Variants in IQCM observed in about 807,000 individuals in gnomAD.
The protein encoded by IQCM is IQ motif containing M.
In IQCM, 45 loss-of-function variants were observed where a neutral mutation model predicts 57.6. The ratio of observed to expected loss-of-function variants is 0.78; its 90% CI spans 0.62 to 1.00. The LOEUF is 1.00. Among genes scored for constraint, IQCM ranks in the 50% least tolerant of loss-of-function variants. IQCM has a pLI of 0.00. For synonymous variants in IQCM, 148 were observed against 158.9 expected (o/e 0.93, Z 0.51); for missense variants, 468 against 511.6 (o/e 0.91, Z 0.82).
chr4:149,502,955 G>A (rs375160339), intron 12 of IQCM, among the ~76,000 whole-genome samples: 7 of 151,942 alleles, frequency 4.6e-5, no homozygotes, highest in African/African-American at 1.7e-4. Context: ...GGCCGGGCAC[G>A]GTGGCTCATG....
intron 3 of IQCM, among the ~76,000 whole-genome samples, chr4:149,739,832 T>TA (rs879479052): frequency 1.5e-4 from 23 of 151,604 alleles, no homozygotes; most frequent in East Asian, 7.7e-4. Context: ...ATTTATCTTT[T>TA]AAAAAAAAAC....
In IQCM at chr4:149,744,200, A is replaced by T. The variant is rs190302145; in HGVS notation, c.-48-1461T>A. Reference sequence around the variant, plus strand: ...AGCAAATCTGGAACATCCAAAAATGATTAATTCTCAAATTGTCAGCATCAT... The same window carrying T: ...AGCAAATCTGGAACATCCAAAAATGTTTAATTCTCAAATTGTCAGCATCAT... On this transcript the variant is annotated intron_variant, in intron 2 of 13. Coordinates refer to ENST00000636793, the MANE Select transcript of IQCM (RefSeq NM_001363507.2). Among the ~76,000 whole-genome samples, 154 of 152,282 alleles carry T rather than the reference A, an allele frequency of 1.0e-3. 4 individuals carry two copies. The East Asian group carries it at 0.024, about 23-fold the overall frequency.
chr4:149,456,889 G>A (rs1052203205), intron 12 of IQCM, among the ~76,000 whole-genome samples: 1 of 152,058 alleles, frequency 6.6e-6, no homozygotes. Context: ...GTAAAGAGGT[G>A]AGTTAACATT....
chr4:149,500,093 T>G (rs1413752103), intron 12 of IQCM, among the ~76,000 whole-genome samples: 2 of 152,212 alleles, frequency 1.3e-5, no homozygotes, highest in Admixed American at 6.5e-5. Flanking sequence ...AGCTTCTAAT[T>G]TGTCCAAATA....
intron 12 of IQCM, among the ~76,000 whole-genome samples, chr4:149,507,320 C>A (rs1456959247): frequency 6.6e-6 from 1 of 152,132 alleles, no homozygotes; most frequent in East Asian, 1.9e-4. Flanking sequence ...GGGTAACAGG[C>A]AGAGGTTGAA....
intron 12 of IQCM, among the ~76,000 whole-genome samples, chr4:149,540,937 CAT>C (rs2149876361): frequency 6.6e-6 from 1 of 152,272 alleles, no homozygotes; most frequent in East Asian, 1.9e-4. Context: ...GCTACTCTAA[CAT>C]GTTACCTCTG....
intron 12 of IQCM, among the ~76,000 whole-genome samples, chr4:149,445,873 C>A (rs928000679): frequency 6.6e-6 from 1 of 151,724 alleles, no homozygotes; most frequent in Non-Finnish European, 1.5e-5. Context: ...GCTGCCCATT[C>A]ACTTATTTTG....
At chr4:149,602,750 C>A (rs1351923202) in intron 8 of IQCM, among the ~76,000 whole-genome samples, 2 of 151,944 alleles carry the variant, frequency 1.3e-5, no homozygotes, top group African/African-American at 2.4e-5. Context: ...TAAGTCCTTA[C>A]TATAACCCAC....
chr4:149,386,899 T>G (rs564320829), intron 13 of IQCM, among the ~76,000 whole-genome samples: 1 of 152,188 alleles, frequency 6.6e-6, no homozygotes, highest in African/African-American at 2.4e-5. Flanking sequence ...GGTTCAGATT[T>G]AATATCTTTT....
At chr4:149,802,172 T>G (rs17631169) in intron 2 of IQCM, among the ~76,000 whole-genome samples, 9,732 of 151,728 alleles carry the variant, frequency 0.064, 439 homozygotes, top group East Asian at 0.19. Flanking sequence ...GTATGCTTCA[T>G]GCAAAACTAG....
intron 12 of IQCM, among the ~76,000 whole-genome samples, chr4:149,451,722 G>A (rs1737142733): frequency 1.3e-5 from 2 of 151,692 alleles, no homozygotes; most frequent in Non-Finnish European, 3.0e-5. Flanking sequence ...TCTCAGCGGT[G>A]TACAGAGGGG....
chr4:149,562,089 A>G (rs2654798), intron 10 of IQCM, among the ~76,000 whole-genome samples: 32,531 of 152,190 alleles, frequency 0.21, 4,351 homozygotes, highest in Non-Finnish European at 0.29. Context: ...ACAAAAGGCA[A>G]GAGCCAAAAC....
At chr4:149,366,105 A>T (rs1729811502) in intron 13 of IQCM, among the ~76,000 whole-genome samples, 1 of 152,088 alleles carries the variant, frequency 6.6e-6, no homozygotes, top group African/African-American at 2.4e-5. Flanking sequence ...TTTCAAACTG[A>T]AAAGTTCATT....
intron 2 of IQCM, among the ~76,000 whole-genome samples, chr4:149,810,771 T>A (rs1774501978): frequency 6.6e-6 from 1 of 152,162 alleles, no homozygotes; most frequent in African/African-American, 2.4e-5. Flanking sequence ...ATTTTAATTA[T>A]TTTGAACATC....
intron 2 of IQCM, among the ~76,000 whole-genome samples, chr4:149,803,022 C>A (rs1219518324): frequency 2.0e-5 from 3 of 151,884 alleles, no homozygotes; most frequent in African/African-American, 7.2e-5. Flanking sequence ...ATGATTAGCC[C>A]AATTTTATAA....
At chr4:149,707,574 G>A (rs574218795) in intron 5 of IQCM, among the ~76,000 whole-genome samples, 3 of 152,086 alleles carry the variant, frequency 2.0e-5, no homozygotes, top group African/African-American at 7.2e-5. Flanking sequence ...TGCTCTAAAA[G>A]TGATAGACTC....
rs1411961325 is a variant in IQCM, at chr4:149,733,416, C to A, written c.213G>T (p.Lys71Asn). 1.6e-6 allele frequency: 2 copies of A among 1,231,638 alleles called. No homozygotes were observed. The highest frequency in any genetic ancestry group is 3.1e-5 in the African/African-American group (2 of 64,364). 76.3% of individuals were successfully genotyped at this position (1,231,638 alleles called of 1,614,324 possible). ...GTTCTTGCACCACATCACGTGTTACCTTTTTGTCAATCTCCAAAGGTATGT... is the reference window on the plus strand; with the variant it reads ...GTTCTTGCACCACATCACGTGTTACATTTTTGTCAATCTCCAAAGGTATGT... ...GKYIPLEIDK[K>N]VTRDVVQEHR... Residue 71 changes from lysine (K) to asparagine (N), a missense_variant, in exon 5 of 14, where the codon AAG (lysine) becomes AAT (asparagine). Transcript: ENST00000636793.
At chr4:149,489,224 C>T (rs1741836714) in intron 12 of IQCM, among the ~76,000 whole-genome samples, 1 of 152,080 alleles carries the variant, frequency 6.6e-6, no homozygotes. Flanking sequence ...CGTTGGAGGG[C>T]TTCAACTGCA....
At chr4:149,549,828 A>G (rs1748851887) in intron 11 of IQCM, among the ~76,000 whole-genome samples, 1 of 152,326 alleles carries the variant, frequency 6.6e-6, no homozygotes, top group South Asian at 2.1e-4. Context: ...TCATTCATTC[A>G]TTTAGCTGAG....
Sources: gnomAD v4.1 joint callset for allele counts (sites outside exome capture counted in the v4.1 genomes callset) on GRCh38, gnomAD v4.1.1 for gene constraint, MANE v1.5 for transcripts, NCBI Gene and HGNC (gene_info 2026-07-23, HGNC 2026-07-21) for gene names.